The following ADGRV1 variants were observed in gnomAD, a reference collection of about 807,000 sequenced individuals.
ADGRV1 encodes G-protein coupled receptor 98.
A neutral mutation model predicts 596.2 loss-of-function variants in ADGRV1; 359 were observed. The ratio of observed to expected loss-of-function variants is 0.60; its 90% CI spans 0.55 to 0.66. The LOEUF (loss-of-function observed/expected upper bound fraction) is 0.66, where lower values mean the gene tolerates loss of function less well. Ranked by LOEUF, ADGRV1 falls within the 30% of genes least tolerant of loss-of-function variation. The probability of loss-of-function intolerance (pLI) is 0.00; values close to 1 mark genes in which losing one functional copy is unlikely to be tolerated. For synonymous variants in ADGRV1, 2,681 were observed against 2,679.2 expected (o/e 1.00, Z -0.02); for missense variants, 7,274 against 7,575.6 (o/e 0.96, Z 1.48).
At chr5:91,157,858 G>A (rs1037203487) in intron 89 of ADGRV1, among the ~76,000 whole-genome samples, 1 of 152,144 alleles carries the variant, frequency 6.6e-6, no homozygotes, top group African/African-American at 2.4e-5. Context: ...CCTTGAAAAG[G>A]CATCATGTAC....
intron 77 of ADGRV1, among the ~76,000 whole-genome samples, chr5:90,830,439 G>A (rs1173166402): frequency 3.3e-5 from 5 of 152,042 alleles, no homozygotes; most frequent in Non-Finnish European, 7.4e-5. Flanking sequence ...TTACTACTTT[G>A]GAGAATGGAA....
intron 1 of ADGRV1, among the ~76,000 whole-genome samples, chr5:90,596,238 C>G (rs1165103714): frequency 6.6e-6 from 1 of 150,816 alleles, no homozygotes; most frequent in African/African-American, 2.4e-5. Flanking sequence ...TGATGGCGGC[C>G]GGGAAGAGGC....
At position 91,036,011 on chromosome 5, in the gene ADGRV1, T is replaced by C. The variant is rs115244841; in HGVS notation, c.18153-36436T>C. Among the ~76,000 whole-genome samples the C allele has an allele frequency of 1.7e-3, 261 of 151,334 alleles. 1 individual carries two copies. Among genetic ancestry groups the C allele is most frequent in the African/African-American group, 6.1e-3 (253 of 41,264 alleles). Reference sequence around the variant, plus strand: ...AGCTTGACAGATGAGGGTTTTAGATTAAGTATTGTAGATATGTGATGTTAA... The same window carrying C: ...AGCTTGACAGATGAGGGTTTTAGATCAAGTATTGTAGATATGTGATGTTAA... On this transcript the variant is annotated intron_variant, in intron 85 of 89. Coordinates refer to ENST00000405460, the MANE Select transcript of ADGRV1 (RefSeq NM_032119.4).
rs114883542 is a variant in ADGRV1, at chr5:90,902,019, G to C, written c.17856+38162G>C. ...GAAAGATGGTGCTGATTTTAACTAG[G>C]AGATTAGTAGTGGGGAGACGAGGTT... On this transcript the variant is annotated intron_variant, in intron 83 of 89. Transcript: ENST00000405460. Among the ~76,000 whole-genome samples, 455 of 152,194 alleles carry C rather than the reference G, an allele frequency of 3.0e-3. 1 individual carries two copies. Among genetic ancestry groups the C allele is most frequent in the African/African-American group, 0.01 (419 of 41,548 alleles).
At chr5:90,958,700 A>C (rs2150939852) in intron 83 of ADGRV1, among the ~76,000 whole-genome samples, 1 of 152,196 alleles carries the variant, frequency 6.6e-6, no homozygotes, top group South Asian at 2.1e-4. Flanking sequence ...TCTGTGTCCA[A>C]AATTTTCACC....
intron 50 of ADGRV1, among the ~76,000 whole-genome samples, chr5:90,734,308 C>A (rs1283105500): frequency 6.6e-6 from 1 of 152,156 alleles, no homozygotes; most frequent in Non-Finnish European, 1.5e-5. Flanking sequence ...ATTGCTGGAT[C>A]ATTCTGTTCA....
chr5:90,731,415 G>T (rs987538345), intron 50 of ADGRV1, among the ~76,000 whole-genome samples: 4 of 152,182 alleles, frequency 2.6e-5, no homozygotes, highest in African/African-American at 9.7e-5. Context: ...TTTGACATGA[G>T]ATTTGGGTTG....
intron 69 of ADGRV1, among the ~76,000 whole-genome samples, chr5:90,790,343 T>G (rs1033286475): frequency 9.2e-5 from 14 of 152,218 alleles, no homozygotes; most frequent in Non-Finnish European, 1.8e-4. Flanking sequence ...GAAAAACATA[T>G]TTTGTGAAAT....
At chr5:90,684,796 GA>G (rs1211026696) in intron 28 of ADGRV1, among the ~76,000 whole-genome samples, 2 of 152,120 alleles carry the variant, frequency 1.3e-5, no homozygotes, top group African/African-American at 4.8e-5. Context: ...TGAGGCAGGA[GA>G]ACACAAACCT....
chr5:90,823,298 A>T, intron 75 of ADGRV1, 127 bp from the exon 76 acceptor site: 1 of 918,630 alleles, frequency 1.1e-6, no homozygotes, highest in South Asian at 1.7e-5. Context: ...AGTAAGTGCT[A>T]TACTTTGGAT....
At chr5:90,569,354 GATATATATATATATAT>G (rs1185532852) in intron 1 of ADGRV1, among the ~76,000 whole-genome samples, 21 of 12,796 alleles carry the variant, frequency 1.6e-3, no homozygotes, top group African/African-American at 6.2e-3. Context: ...CTGTTTGCAT[GATATATATATATATAT>G]ATATATATAT....
At chr5:90,603,213 G>A (rs1305255360) in intron 1 of ADGRV1, among the ~76,000 whole-genome samples, 1 of 152,168 alleles carries the variant, frequency 6.6e-6, no homozygotes, top group Non-Finnish European at 1.5e-5. Context: ...AACATCAGAA[G>A]CCCCAACATT....
intron 1 of ADGRV1, among the ~76,000 whole-genome samples, chr5:90,597,720 G>A (rs2152015808): frequency 6.6e-6 from 1 of 152,222 alleles, no homozygotes; most frequent in African/African-American, 2.4e-5. Flanking sequence ...GCAAAGGAGA[G>A]AGAGAAAGAG....
intron 1 of ADGRV1, among the ~76,000 whole-genome samples, chr5:90,575,452 C>T (rs1009816377): frequency 6.6e-6 from 1 of 152,016 alleles, no homozygotes; most frequent in Non-Finnish European, 1.5e-5. Flanking sequence ...GGGGTTTCAC[C>T]GTATTGGCCA....
chr5:90,796,832 A>G (rs1423072852), intron 70 of ADGRV1, among the ~76,000 whole-genome samples: 1 of 150,326 alleles, frequency 6.7e-6, no homozygotes, highest in Non-Finnish European at 1.5e-5. Flanking sequence ...ATTCTTAAAG[A>G]AAAGAATTTT....
At chr5:91,048,853 C>T (rs909499931) in intron 85 of ADGRV1, among the ~76,000 whole-genome samples, 3 of 152,124 alleles carry the variant, frequency 2.0e-5, no homozygotes, top group South Asian at 2.1e-4. Flanking sequence ...AAATGAAAGT[C>T]GCAAAAAAGA....
At chr5:90,602,224 T>G (rs752424321) in intron 1 of ADGRV1, among the ~76,000 whole-genome samples, 9 of 152,194 alleles carry the variant, frequency 5.9e-5, no homozygotes, top group Admixed American at 6.5e-5. Flanking sequence ...CTGGTACAGT[T>G]TTTAATATGT....
intron 83 of ADGRV1, among the ~76,000 whole-genome samples, chr5:90,903,450 A>C (rs1258677889): frequency 6.6e-6 from 1 of 152,018 alleles, no homozygotes; most frequent in African/African-American, 2.4e-5. Context: ...TTTAAATAAT[A>C]GCAATATTTT....
intron 83 of ADGRV1, among the ~76,000 whole-genome samples, chr5:90,950,632 A>G (rs1776979862): frequency 1.3e-5 from 2 of 152,148 alleles, no homozygotes; most frequent in Non-Finnish European, 2.9e-5. Context: ...TTTAAGAACT[A>G]TTTTAAAAAT....
Sources: allele counts gnomAD v4.1 joint callset (sites outside exome capture counted in the v4.1 genomes callset), GRCh38; gene constraint gnomAD v4.1.1; transcripts MANE v1.5; gene names NCBI Gene and HGNC (gene_info 2026-07-23, HGNC 2026-07-21).